PDE4D: variants seen among roughly 807,000 people sequenced by gnomAD.
PDE4D encodes the protein 3',5'-cyclic-AMP phosphodiesterase 4D.
PDE4D carries 24 observed loss-of-function variants against 87.4 expected under a neutral mutation model. The ratio of observed to expected loss-of-function variants is 0.27; its 90% CI spans 0.20 to 0.39. PDE4D has a LOEUF of 0.39. PDE4D is among the 10% of genes least tolerant of loss of function. The pLI is 1.00. For synonymous variants in PDE4D, 384 were observed against 383.2 expected, an observed-to-expected ratio of 1.00 and a Z score of -0.02; for missense variants, 714 against 1,041.0, an observed-to-expected ratio of 0.69 and a Z score of 4.32.
intron 2 of PDE4D, among the ~76,000 whole-genome samples, chr5:60,112,020 C>T (rs775483076): frequency 3.3e-5 from 5 of 151,784 alleles, no homozygotes; most frequent in African/African-American, 1.2e-4. Flanking sequence ...ATATCTGCAT[C>T]GATTATATGG....
chr5:59,460,032 A>G (rs978002465), intron 1 of PDE4D, among the ~76,000 whole-genome samples: 2 of 152,198 alleles, frequency 1.3e-5, no homozygotes, highest in African/African-American at 4.8e-5. Flanking sequence ...AATGTTAAGA[A>G]GACATTAAAT....
At chr5:59,370,621 CA>C in intron 1 of PDE4D, among the ~76,000 whole-genome samples, 1 of 152,262 alleles carries the variant, frequency 6.6e-6, no homozygotes, top group South Asian at 2.1e-4. Context: ...ACCATCACGA[CA>C]CACATTTTGA....
intron 1 of PDE4D, among the ~76,000 whole-genome samples, chr5:59,705,078 C>T (rs963325010): frequency 2.0e-5 from 3 of 152,128 alleles, no homozygotes; most frequent in Non-Finnish European, 2.9e-5. Context: ...TCTAGCAATT[C>T]GCCAGAGTAA....
In PDE4D at chr5:59,215,990, T is replaced by C. The variant is rs751549111; in HGVS notation, c.456-22A>G. ...AAAACTGTAAAGGAAGGAGAAGGAATTATGTTGCTGTGAACATTCACATGT... is the reference window on the plus strand; with the variant it reads ...AAAACTGTAAAGGAAGGAGAAGGAACTATGTTGCTGTGAACATTCACATGT... On this transcript the variant is annotated intron_variant, in intron 1 of 14. Transcript: ENST00000340635. 3 of 1,566,730 alleles carry C rather than the reference T, an allele frequency of 1.9e-6. No homozygotes were observed. The South Asian group carries it at 3.4e-5, about 18-fold the overall frequency.
At chr5:60,345,566 CA>C (rs529743142) in intron 1 of PDE4D, among the ~76,000 whole-genome samples, 24,087 of 124,362 alleles carry the variant, frequency 0.19, 3,243 homozygotes, top group African/African-American at 0.42. Flanking sequence ...CTTCCCTCTC[CA>C]AAAAAAAAAA....
At chr5:59,523,117 TCTC>T (rs1449752680) in intron 1 of PDE4D, among the ~76,000 whole-genome samples, 2 of 152,160 alleles carry the variant, frequency 1.3e-5, no homozygotes, top group Non-Finnish European at 2.9e-5. Context: ...TGCTTCTCTC[TCTC>T]ATTTCTCTTT....
intron 1 of PDE4D, among the ~76,000 whole-genome samples, chr5:59,803,351 T>C (rs1486539078): frequency 5.5e-5 from 8 of 146,680 alleles, no homozygotes; most frequent in African/African-American, 2.0e-4. Context: ...CAGGCTGGAG[T>C]GCAGTGGCGC....
At chr5:59,660,328 C>T (rs190375228) in intron 1 of PDE4D, among the ~76,000 whole-genome samples, 311 of 152,188 alleles carry the variant, frequency 2.0e-3, no homozygotes, top group Non-Finnish European at 3.5e-3. Context: ...GTAAGCAGAG[C>T]TCATTTGTAA....
chr5:59,837,493 T>A (rs983497586), intron 1 of PDE4D, among the ~76,000 whole-genome samples: 1 of 152,082 alleles, frequency 6.6e-6, no homozygotes, highest in Non-Finnish European at 1.5e-5. Flanking sequence ...ATGTGCATTG[T>A]CTGTTTTGTT....
At chr5:59,403,882 G>T (rs1303187082) in intron 1 of PDE4D, among the ~76,000 whole-genome samples, 1 of 152,176 alleles carries the variant, frequency 6.6e-6, no homozygotes, top group Non-Finnish European at 1.5e-5. Flanking sequence ...CCTCCAAATT[G>T]TTCTCCGTAG....
chr5:60,360,020 G>A (rs963248544), intron 1 of PDE4D, among the ~76,000 whole-genome samples: 3 of 152,042 alleles, frequency 2.0e-5, no homozygotes, highest in African/African-American at 7.2e-5. Flanking sequence ...ACACAATCTC[G>A]AACACCGCCA....
chr5:60,499,098 C>A (rs1297112437), intron 1 of PDE4D, among the ~76,000 whole-genome samples: 1 of 152,160 alleles, frequency 6.6e-6, no homozygotes, highest in Non-Finnish European at 1.5e-5. Context: ...CATATTTTAT[C>A]AATTTGAAAG....
intron 1 of PDE4D, among the ~76,000 whole-genome samples, chr5:60,258,051 G>A (rs550122949): frequency 1.3e-5 from 2 of 151,904 alleles, no homozygotes; most frequent in Non-Finnish European, 2.9e-5. Context: ...CACCTCACTC[G>A]CCAGGCCTTG....
rs1580010839 is a variant in PDE4D, at chr5:58,974,631, A to T, written c.*33T>A. ...CACTTTGGAAACAATTTTTCTACTT[A>T]AAAAAAAAAAAGGCATGAAAGTTTT... On this transcript the variant is annotated 3_prime_UTR_variant, in exon 15 of 15. Transcript: ENST00000340635. The T allele has an allele frequency of 1.5e-5, 5 of 329,008 alleles. No homozygotes were observed. Among genetic ancestry groups the T allele is most frequent in the Non-Finnish European group, 1.8e-5 (4 of 225,470 alleles). The allele number at this position is 329,008 out of a possible 1,614,324, so 20.4% of individuals were successfully genotyped here.
chr5:59,785,614 G>A (rs976830750), intron 1 of PDE4D, among the ~76,000 whole-genome samples: 1 of 152,178 alleles, frequency 6.6e-6, no homozygotes, highest in African/African-American at 2.4e-5. Context: ...CATGATTAGT[G>A]GACAGACAGG....
intron 3 of PDE4D, among the ~76,000 whole-genome samples, chr5:59,956,129 T>A (rs1758806967): frequency 6.6e-6 from 1 of 152,092 alleles, no homozygotes; most frequent in South Asian, 2.1e-4. Context: ...TCCAGGTGAG[T>A]GGCCCAGGTC....
At chr5:60,107,439 G>A (rs553031133) in intron 2 of PDE4D, among the ~76,000 whole-genome samples, 194 of 152,264 alleles carry the variant, frequency 1.3e-3, no homozygotes, top group African/African-American at 4.4e-3. Context: ...ACAAGGAGGA[G>A]CTGCTACCAT....
chr5:59,062,706 T>C (rs1055466214), intron 5 of PDE4D, among the ~76,000 whole-genome samples: 11 of 151,022 alleles, frequency 7.3e-5, no homozygotes, highest in Admixed American at 7.3e-4. Context: ...GCATGTGGTT[T>C]TTTTTTTTTT....
chr5:59,042,846 A>G (rs546759230), intron 5 of PDE4D, among the ~76,000 whole-genome samples: 1 of 152,212 alleles, frequency 6.6e-6, no homozygotes, highest in African/African-American at 2.4e-5. Flanking sequence ...TTCCCCTGAC[A>G]CATGGCCTGA....
Sources: gnomAD v4.1 joint callset for allele counts (sites outside exome capture counted in the v4.1 genomes callset) on GRCh38, gnomAD v4.1.1 for gene constraint, MANE v1.5 for transcripts, NCBI Gene and HGNC (gene_info 2026-07-23, HGNC 2026-07-21) for gene names.